The following ZNRF1 variants were observed in gnomAD, a reference collection of about 807,000 sequenced individuals.
ZNRF1 encodes the protein E3 ubiquitin-protein ligase ZNRF1.
ZNRF1 carries 3 observed loss-of-function variants against 18.4 expected under a neutral mutation model. That is an observed-to-expected ratio of 0.16 (90% CI 0.07 to 0.42). ZNRF1 has a LOEUF of 0.42. Ranked by LOEUF, ZNRF1 falls within the 10% of genes least tolerant of loss-of-function variation. ZNRF1 has a pLI of 0.99. For missense variants in ZNRF1, 310 were observed against 329.8 expected (o/e 0.94, Z 0.47); for synonymous variants, 157 against 144.2 (o/e 1.09, Z -0.64).
At chr16:75,094,639 C>G (rs2036177520) in intron 2 of ZNRF1, among the ~76,000 whole-genome samples, 1 of 152,184 alleles carries the variant, frequency 6.6e-6, no homozygotes, top group South Asian at 2.1e-4. Flanking sequence ...ATGGTCAGTG[C>G]TTGGGAAGTT....
At chr16:75,095,484 A>G in intron 2 of ZNRF1, 5 of 1,151,940 alleles carry the variant, frequency 4.3e-6, no homozygotes, top group South Asian at 2.2e-5. Flanking sequence ...CTCCCTAGCC[A>G]TGGCCTCAAA....
intron 1 of ZNRF1, among the ~76,000 whole-genome samples, chr16:75,039,984 T>G (rs887778191): frequency 8.5e-5 from 13 of 152,066 alleles, no homozygotes; most frequent in African/African-American, 2.4e-4. Context: ...ACAATGAGAT[T>G]TAGTAAATAT....
At chr16:75,006,466 C>T (rs914428819) in intron 1 of ZNRF1, among the ~76,000 whole-genome samples, 26 of 152,172 alleles carry the variant, frequency 1.7e-4, no homozygotes, top group African/African-American at 5.8e-4. Flanking sequence ...GACAGAGTCT[C>T]ACTCTGTCAC....
At chr16:75,105,618 G>T (rs1440280901) in intron 3 of ZNRF1, 1 of 152,450 alleles carries the variant, frequency 6.6e-6, no homozygotes, top group African/African-American at 2.4e-5. Context: ...AGTGTGGCTG[G>T]TGCAGAGGAG....
At chr16:75,034,391 T>G (rs1394852295) in intron 1 of ZNRF1, among the ~76,000 whole-genome samples, 1 of 152,204 alleles carries the variant, frequency 6.6e-6, no homozygotes, top group African/African-American at 2.4e-5. Context: ...TGTATGGTAT[T>G]TGTCTTTTTG....
chr16:75,003,824 C>T (rs2034884139), intron 1 of ZNRF1, among the ~76,000 whole-genome samples: 1 of 152,162 alleles, frequency 6.6e-6, no homozygotes, highest in African/African-American at 2.4e-5. Context: ...AGACGCCTGT[C>T]CTGCTTACCT....
chr16:75,000,034 A>T lies in ZNRF1; in HGVS notation c.363A>T (p.Arg121=), dbSNP rs1180576436. The T allele has an allele frequency of 6.3e-7, 1 of 1,597,616 alleles. No homozygotes were observed. The highest frequency in any genetic ancestry group is 8.5e-7 in the Non-Finnish European group (1 of 1,173,404). Reference sequence around the variant, plus strand: ...ACGGGATGCTGTACCTGGGCTCCCGAGCCTCGCTGGCGGATGCTCTACCTC... The same window carrying T: ...ACGGGATGCTGTACCTGGGCTCCCGTGCCTCGCTGGCGGATGCTCTACCTC... ...HRDGMLYLGS[R]ASLADALPLH... Residue 121 remains arginine (R), a synonymous_variant, in exon 1 of 5, where the codon CGA becomes CGT. Coordinates refer to ENST00000335325, the MANE Select transcript of ZNRF1 (RefSeq NM_032268.5).
At chr16:75,026,355 T>G (rs2035224586) in intron 1 of ZNRF1, among the ~76,000 whole-genome samples, 1 of 152,072 alleles carries the variant, frequency 6.6e-6, no homozygotes, top group South Asian at 2.1e-4. Flanking sequence ...GAGTTTAGAA[T>G]GAAGTTGAAC....
At chr16:75,058,373 G>A (rs2035695373) in intron 1 of ZNRF1, among the ~76,000 whole-genome samples, 1 of 152,136 alleles carries the variant, frequency 6.6e-6, no homozygotes, top group Non-Finnish European at 1.5e-5. Flanking sequence ...TTGGCTTTCA[G>A]TAGCTTTGCT....
intron 1 of ZNRF1, among the ~76,000 whole-genome samples, chr16:75,053,273 G>C (rs912019144): frequency 1.3e-5 from 2 of 152,102 alleles, no homozygotes; most frequent in African/African-American, 4.8e-5. Flanking sequence ...TCTCTAACTT[G>C]AGGACTCCAG....
intron 1 of ZNRF1, among the ~76,000 whole-genome samples, chr16:75,025,096 T>C (rs6564197): frequency 0.92 from 139,972 of 152,094 alleles, 64,450 homozygotes; most frequent in Non-Finnish European, 0.93. Context: ...GAGACAGAGT[T>C]GCACTCTGTT....
At position 74,999,603 on chromosome 16, in the gene ZNRF1, C is replaced by T. The variant is rs2034809279; in HGVS notation, c.-69C>T. On this transcript the variant is annotated 5_prime_UTR_variant, in exon 1 of 5. Coordinates refer to ENST00000335325, the MANE Select transcript of ZNRF1 (RefSeq NM_032268.5). ...CCCCCTTTATGCTCGCCCAGCCCTC[C>T]CCCTGCTGCTGAGAAGTGGGGGAGG... 1 of 1,160,420 alleles carries T rather than the reference C, an allele frequency of 8.6e-7. No homozygotes were observed. Among genetic ancestry groups the T allele is most frequent in the Admixed American group, 4.1e-5 (1 of 24,242 alleles). 71.9% of individuals were successfully genotyped at this position (1,160,420 alleles called of 1,614,324 possible). A position where few individuals can be genotyped will look rare whatever the true frequency, so the allele number is the denominator to read the frequency against.
intron 1 of ZNRF1, among the ~76,000 whole-genome samples, chr16:75,092,449 T>C (rs2036150853): frequency 6.6e-6 from 1 of 152,198 alleles, no homozygotes; most frequent in Non-Finnish European, 1.5e-5. Context: ...GAAACTGTGA[T>C]GTGCACAATT....
chr16:75,079,682 C>T (rs2035986371), intron 1 of ZNRF1, among the ~76,000 whole-genome samples: 1 of 152,188 alleles, frequency 6.6e-6, no homozygotes, highest in Non-Finnish European at 1.5e-5. Flanking sequence ...GGAACAACTC[C>T]ATTCTACTCT....
chr16:75,098,459 C>G (rs1362646612), intron 2 of ZNRF1, among the ~76,000 whole-genome samples: 1 of 152,212 alleles, frequency 6.6e-6, no homozygotes, highest in Non-Finnish European at 1.5e-5. Flanking sequence ...TTGGATGGGC[C>G]GCTGCTGGTA....
intron 1 of ZNRF1, among the ~76,000 whole-genome samples, chr16:75,005,701 AAATT>A (rs2034908364): frequency 6.6e-6 from 1 of 152,220 alleles, no homozygotes; most frequent in African/African-American, 2.4e-5. Context: ...TTTTATTTAT[AAATT>A]AGGCACAATA....
In ZNRF1 at chr16:75,088,510, A is replaced by G. The variant is rs182789958; in HGVS notation, c.425-5062A>G. ...CGGACTATGGGGCACTTAAGGAGAA[A>G]TTGCTGGGACAGTGTAGAAGGTTCA... is the stretch of plus-strand genomic sequence containing the variant. On this transcript the variant is annotated intron_variant, in intron 1 of 4. Coordinates refer to ENST00000335325, the MANE Select transcript of ZNRF1 (RefSeq NM_032268.5). 3.3e-5 allele frequency among the ~76,000 whole-genome samples: 5 copies of G among 152,326 alleles called. No homozygotes were observed. The East Asian group carries it at 9.6e-4, about 29-fold the overall frequency.
At chr16:75,105,694 G>C (rs1222433990) in intron 3 of ZNRF1, 1 of 152,292 alleles carries the variant, frequency 6.6e-6, no homozygotes, top group Non-Finnish European at 1.5e-5. Flanking sequence ...TTGTGTCCCA[G>C]GGCGGCACTA....
At chr16:75,077,927 C>T (rs1191491761) in intron 1 of ZNRF1, among the ~76,000 whole-genome samples, 1 of 152,186 alleles carries the variant, frequency 6.6e-6, no homozygotes, top group African/African-American at 2.4e-5. Context: ...GTGATTACAT[C>T]GGACCCACCT....
Sources: gnomAD v4.1 joint callset for allele counts (sites outside exome capture counted in the v4.1 genomes callset) on GRCh38, gnomAD v4.1.1 for gene constraint, MANE v1.5 for transcripts, NCBI Gene and HGNC (gene_info 2026-07-23, HGNC 2026-07-21) for gene names.